The following FGD4 variants were observed in gnomAD, a reference collection of about 807,000 sequenced individuals.
The protein encoded by FGD4 is FYVE, RhoGEF and PH domain containing 4, also known as FYVE, RhoGEF and PH domain-containing protein 4.
Under a neutral mutation model 102.0 loss-of-function variants are expected in FGD4, and 42 were observed. The ratio of observed to expected loss-of-function variants is 0.41; its 90% CI spans 0.32 to 0.53. The LOEUF is 0.53. FGD4 is among the 20% of genes least tolerant of loss of function. FGD4 has a pLI of 0.21. For synonymous variants in FGD4, 380 were observed against 375.7 expected (o/e 1.01, Z -0.13); for missense variants, 902 against 1,078.2 (o/e 0.84, Z 2.29).
chr12:32,501,070 C>T (rs1271614692), intron 1 of FGD4, among the ~76,000 whole-genome samples: 1 of 152,140 alleles, frequency 6.6e-6, no homozygotes, highest in Non-Finnish European at 1.5e-5. Context: ...CAGACTCTGC[C>T]TAGAGAGCTC....
chr12:32,513,149 G>A (rs1939560114), intron 1 of FGD4, among the ~76,000 whole-genome samples: 1 of 152,172 alleles, frequency 6.6e-6, no homozygotes, highest in South Asian at 2.1e-4. Flanking sequence ...CAGAGAGAAG[G>A]GAGGACTCAT....
chr12:32,529,022 A>G (rs1243414524), intron 1 of FGD4, among the ~76,000 whole-genome samples: 2 of 152,240 alleles, frequency 1.3e-5, no homozygotes, highest in Non-Finnish European at 2.9e-5. Context: ...ATGGCTTGGT[A>G]CAAAAATATT....
chr12:32,435,986 C>T (rs2651360), intron 1 of FGD4, among the ~76,000 whole-genome samples: 60,396 of 151,970 alleles, frequency 0.4, 12,628 homozygotes, highest in African/African-American at 0.51. Flanking sequence ...TCTCAAAGTA[C>T]CCTTGGTGGA....
At chr12:32,591,506 CATTT>C (rs1269232022) in intron 4 of FGD4, among the ~76,000 whole-genome samples, 2 of 152,186 alleles carry the variant, frequency 1.3e-5, no homozygotes, top group African/African-American at 4.8e-5. Context: ...TTGTTTTTAG[CATTT>C]ACAACATTCT....
intron 2 of FGD4, chr12:32,574,949 T>C (rs547107859): frequency 1.3e-5 from 2 of 152,342 alleles, no homozygotes; most frequent in Non-Finnish European, 2.9e-5. Context: ...CTACATGTTA[T>C]ATAGTATTTT....
At chr12:32,504,839 C>G (rs1938550452) in intron 1 of FGD4, among the ~76,000 whole-genome samples, 1 of 152,194 alleles carries the variant, frequency 6.6e-6, no homozygotes, top group Non-Finnish European at 1.5e-5. Flanking sequence ...TCTGCTCCTT[C>G]CTTTGACACA....
At chr12:32,443,677 C>T (rs548916142) in intron 1 of FGD4, among the ~76,000 whole-genome samples, 132 of 150,972 alleles carry the variant, frequency 8.7e-4, no homozygotes, top group African/African-American at 3.0e-3. Flanking sequence ...AGGAATGCAG[C>T]GCCACACCTA....
intron 1 of FGD4, among the ~76,000 whole-genome samples, chr12:32,531,376 C>T (rs917710257): frequency 4.6e-5 from 7 of 152,196 alleles, no homozygotes; most frequent in Non-Finnish European, 8.8e-5. Flanking sequence ...GACAAATGCA[C>T]GCAGTCATAT....
chr12:32,424,500 T>C (rs1194235514), intron 1 of FGD4, among the ~76,000 whole-genome samples: 1 of 152,228 alleles, frequency 6.6e-6, no homozygotes. Context: ...TTCCAAGTCT[T>C]TGCTATTGTG....
At chr12:32,528,135 C>G (rs1941443055) in intron 1 of FGD4, among the ~76,000 whole-genome samples, 1 of 151,972 alleles carries the variant, frequency 6.6e-6, no homozygotes, top group African/African-American at 2.4e-5. Flanking sequence ...GAGGGTTTCA[C>G]CATGTTGTCC....
Position 32,615,166 on chromosome 12 carries a change from T to G in FGD4, c.1749+3883T>G, listed in dbSNP as rs757717904. Among the ~76,000 whole-genome samples, 71 of 152,210 alleles carry G rather than the reference T, an allele frequency of 4.7e-4. 1 individual carries two copies. Among genetic ancestry groups the G allele is most frequent in the Non-Finnish European group, 8.4e-4 (57 of 68,030 alleles). On this transcript the variant is annotated intron_variant, in intron 10 of 16. Coordinates refer to ENST00000534526, the MANE Select transcript of FGD4 (RefSeq NM_001370298.3). ...AGAAAAAGGAATAAAAACTTATATA[T>G]GCTACATGGATTAACCTTAAAATGT... is the stretch of plus-strand genomic sequence containing the variant.
chr12:32,555,452 A>G (rs1432061459), intron 1 of FGD4, among the ~76,000 whole-genome samples: 1 of 151,830 alleles, frequency 6.6e-6, no homozygotes, highest in Non-Finnish European at 1.5e-5. Context: ...TGCAGTAGAG[A>G]TTTAAGTGTA....
At chr12:32,427,566 A>G (rs1259731502) in intron 1 of FGD4, among the ~76,000 whole-genome samples, 1 of 152,114 alleles carries the variant, frequency 6.6e-6, no homozygotes, top group Admixed American at 6.5e-5. Flanking sequence ...AGAGTTCTGT[A>G]GATGTCTATT....
chr12:32,416,174 A>AT (rs1341802050), intron 1 of FGD4, among the ~76,000 whole-genome samples: 1 of 152,026 alleles, frequency 6.6e-6, no homozygotes, highest in African/African-American at 2.4e-5. Flanking sequence ...TAATTTTTGT[A>AT]TTTTTTGTAA....
intron 1 of FGD4, among the ~76,000 whole-genome samples, chr12:32,430,909 G>A (rs1942022525): frequency 6.6e-6 from 1 of 152,192 alleles, no homozygotes; most frequent in South Asian, 2.1e-4. Context: ...TTGAAAAGAA[G>A]GGAAGGAGGA....
intron 10 of FGD4, among the ~76,000 whole-genome samples, chr12:32,613,610 G>A (rs1310974485): frequency 6.6e-6 from 1 of 151,978 alleles, no homozygotes; most frequent in Admixed American, 6.6e-5. Context: ...TTAAAAATTA[G>A]CTGGGCATGG....
intron 1 of FGD4, among the ~76,000 whole-genome samples, chr12:32,562,800 C>T (rs1428901366): frequency 2.0e-5 from 3 of 147,210 alleles, no homozygotes; most frequent in African/African-American, 7.4e-5. Context: ...TGAAAAGTCT[C>T]CCATGTCTAC....
At chr12:32,464,373 G>A (rs1212982063) in intron 1 of FGD4, among the ~76,000 whole-genome samples, 1 of 150,878 alleles carries the variant, frequency 6.6e-6, no homozygotes, top group Non-Finnish European at 1.5e-5. Flanking sequence ...GGCTGGTCTC[G>A]AACTCCTGAG....
Position 32,582,199 on chromosome 12 carries a change from G to A in FGD4, c.743G>A (p.Ser248Asn). ...ECEEEKAATLSSDTSIQASEP... is the reference protein window; with the variant it reads ...ECEEEKAATLNSDTSIQASEP... The stretch of plus-strand genomic sequence containing the variant: ...GAGGAGGAGAAAGCTGCCACTCTTA[G>A]CTCAGATACTTCTATTCAAGCTTCT... Residue 248 changes from serine (S) to asparagine (N), a missense_variant, in exon 4 of 17, where the codon AGC (serine) becomes AAC (asparagine). Physicochemically the swap from Ser to Asn is conservative, Grantham distance 46 (BLOSUM62 1). This residue lies in a region of FGD4 where 443 missense variants were observed against 459.2 expected (regional missense o/e 0.96). Coordinates refer to ENST00000534526, the MANE Select transcript of FGD4 (RefSeq NM_001370298.3). 6.2e-7 allele frequency: 1 copy of A among 1,614,202 alleles called. No individual in the cohort carries two copies. The highest frequency in any genetic ancestry group is 8.5e-7 in the Non-Finnish European group (1 of 1,180,032).
Sources: gnomAD v4.1 joint callset for allele counts (sites outside exome capture counted in the v4.1 genomes callset) on GRCh38, gnomAD v4.1.1 for gene constraint, gnomAD v4.1.1 regional missense constraint, MANE v1.5 for transcripts, NCBI Gene and HGNC (gene_info 2026-07-23, HGNC 2026-07-21) for gene names.